Variants in RBPMS observed in about 807,000 individuals in gnomAD.
RBPMS encodes the protein RNA-binding protein with multiple splicing.
In RBPMS, 7 loss-of-function variants were observed where a neutral mutation model predicts 26.8. The observed-to-expected ratio is 0.26, with a 90% CI of 0.15 to 0.49. RBPMS has a LOEUF of 0.49. Ranked by LOEUF, RBPMS falls within the 20% of genes least tolerant of loss-of-function variation. RBPMS has a pLI of 0.98. For missense variants in RBPMS, 186 were observed against 250.0 expected (o/e 0.74, Z 1.73); for synonymous variants, 96 against 93.3 (o/e 1.03, Z -0.17).
intron 2 of RBPMS, among the ~76,000 whole-genome samples, chr8:30,475,798 G>A (rs1817624491): frequency 6.6e-6 from 1 of 152,208 alleles, no homozygotes; most frequent in Non-Finnish European, 1.5e-5. Flanking sequence ...TCTAGCTTAT[G>A]TGCCAAGAGG....
At chr8:30,390,452 C>G (rs929333681) in intron 1 of RBPMS, among the ~76,000 whole-genome samples, 2 of 152,148 alleles carry the variant, frequency 1.3e-5, no homozygotes, top group Admixed American at 1.3e-4. Flanking sequence ...TCCAATGCCC[C>G]GAATCCTTCA....
intron 7 of RBPMS, among the ~76,000 whole-genome samples, chr8:30,562,484 G>C (rs1248316628): frequency 6.6e-6 from 1 of 152,082 alleles, no homozygotes; most frequent in Non-Finnish European, 1.5e-5. Flanking sequence ...TGCACGCGGG[G>C]GAGTCTAGTC....
intron 1 of RBPMS, among the ~76,000 whole-genome samples, chr8:30,431,707 C>T (rs1811953079): frequency 6.6e-6 from 1 of 152,144 alleles, no homozygotes; most frequent in Non-Finnish European, 1.5e-5. Context: ...CTGCCTCGTC[C>T]TCCCAAAGTG....
chr8:30,470,125 T>G (rs993444742), intron 1 of RBPMS, among the ~76,000 whole-genome samples: 7 of 152,140 alleles, frequency 4.6e-5, no homozygotes, highest in Admixed American at 1.3e-4. Context: ...GGCTCACACC[T>G]GTAATCCCAG....
intron 8 of RBPMS, among the ~76,000 whole-genome samples, chr8:30,570,255 C>A (rs970423478): frequency 1.3e-5 from 2 of 152,200 alleles, no homozygotes; most frequent in African/African-American, 4.8e-5. Flanking sequence ...ATAAGCATCT[C>A]CCTGTACAAA....
chr8:30,437,096 T>C (rs1365756550), intron 1 of RBPMS, among the ~76,000 whole-genome samples: 1 of 151,742 alleles, frequency 6.6e-6, no homozygotes, highest in Non-Finnish European at 1.5e-5. Context: ...TAATTTTTTG[T>C]ATTTTTAGTA....
chr8:30,449,369 C>CT (rs5890522), intron 1 of RBPMS, among the ~76,000 whole-genome samples: 5,954 of 106,442 alleles, frequency 0.056, 405 homozygotes, highest in African/African-American at 0.15. Context: ...CACATCTCCT[C>CT]TTTTTTTTTT....
chr8:30,500,341 T>G (rs1236000121), intron 4 of RBPMS, among the ~76,000 whole-genome samples: 4 of 69,378 alleles, frequency 5.8e-5, no homozygotes, highest in African/African-American at 2.2e-4. Flanking sequence ...GTTGAGTATC[T>G]TTTTTTTTTT....
chr8:30,437,617 C>G lies in RBPMS; in HGVS notation c.67-37162C>G, dbSNP rs184022750. On this transcript the variant is annotated intron_variant, in intron 1 of 8. Coordinates refer to ENST00000397323, the MANE Select transcript of RBPMS (RefSeq NM_001008710.3). ...ACCAGCCTGGCCAACATGGCAAAAC[C>G]CTGTCGCTACTAAAAATAAAAAAAT... Among the ~76,000 whole-genome samples, 10 of 152,190 alleles carry G rather than the reference C, an allele frequency of 6.6e-5. No homozygotes were observed. The East Asian group carries it at 1.9e-3, about 29-fold the overall frequency.
chr8:30,451,089 T>C (rs1814530463), intron 1 of RBPMS, among the ~76,000 whole-genome samples: 1 of 152,074 alleles, frequency 6.6e-6, no homozygotes, highest in Non-Finnish European at 1.5e-5. Context: ...CATCCTGGGG[T>C]CTTGTACAGG....
At chr8:30,512,087 T>C (rs977740773) in intron 5 of RBPMS, among the ~76,000 whole-genome samples, 2 of 152,172 alleles carry the variant, frequency 1.3e-5, no homozygotes, top group African/African-American at 4.8e-5. Flanking sequence ...TCTCTGTTTT[T>C]GAAGATTGGG....
At chr8:30,536,941 T>C (rs377613982) in intron 5 of RBPMS, among the ~76,000 whole-genome samples, 40 of 152,290 alleles carry the variant, frequency 2.6e-4, no homozygotes, top group African/African-American at 8.9e-4. Context: ...CCAGACTTGA[T>C]TGCAGTTGTC....
At chr8:30,489,167 C>G (rs1819108741) in intron 4 of RBPMS, among the ~76,000 whole-genome samples, 1 of 152,016 alleles carries the variant, frequency 6.6e-6, no homozygotes, top group Admixed American at 6.6e-5. Context: ...CCACCTCAGC[C>G]TCCCGAATAG....
At chr8:30,545,108 G>A (rs1825765275) in intron 6 of RBPMS, 5 of 1,344,636 alleles carry the variant, frequency 3.7e-6, no homozygotes, top group Non-Finnish European at 3.9e-6. Flanking sequence ...GGGGAAGGCT[G>A]TACTTTCTTA....
At chr8:30,544,244 C>T (rs139057868) in intron 5 of RBPMS, among the ~76,000 whole-genome samples, 259 of 152,316 alleles carry the variant, frequency 1.7e-3, no homozygotes, top group African/African-American at 5.9e-3. Flanking sequence ...GTGTTCAAGG[C>T]GGAGTCCAGG....
intron 5 of RBPMS, among the ~76,000 whole-genome samples, chr8:30,528,693 T>G (rs1202430977): frequency 6.6e-6 from 1 of 152,238 alleles, no homozygotes; most frequent in African/African-American, 2.4e-5. Flanking sequence ...ATCCTCATTT[T>G]ACAAAGAAGG....
intron 1 of RBPMS, among the ~76,000 whole-genome samples, chr8:30,458,961 G>C (rs1316635457): frequency 4.1e-5 from 6 of 147,626 alleles, no homozygotes. Context: ...CCAGCATGTT[G>C]GCTTTTTTTT....
chr8:30,431,471 G>A (rs998763513), intron 1 of RBPMS, among the ~76,000 whole-genome samples: 1 of 144,214 alleles, frequency 6.9e-6, no homozygotes, highest in Non-Finnish European at 1.5e-5. Context: ...TCTCTTTCTT[G>A]AGACGGACTC....
chr8:30,561,803 A>G, intron 7 of RBPMS: 1 of 947,788 alleles, frequency 1.1e-6, no homozygotes, highest in Non-Finnish European at 1.3e-6. Context: ...GACCTAAGGA[A>G]GGGCTTTTTT....
Sources: allele counts gnomAD v4.1 joint callset (sites outside exome capture counted in the v4.1 genomes callset), GRCh38; gene constraint gnomAD v4.1.1; transcripts MANE v1.5; gene names NCBI Gene and HGNC (gene_info 2026-07-23, HGNC 2026-07-21).